Variants in CHD9 observed in about 807,000 individuals in gnomAD.
CHD9 encodes ATP-dependent chromatin remodeler CHD9.
In CHD9, 77 loss-of-function variants were observed where a neutral mutation model predicts 316.1. That is an observed-to-expected ratio of 0.24 (90% confidence interval 0.20 to 0.29). The LOEUF is 0.29. Ranked by LOEUF, CHD9 falls within the 10% of genes least tolerant of loss-of-function variation. The probability of loss-of-function intolerance (pLI) is 1.00; values close to 1 mark genes in which losing one functional copy is unlikely to be tolerated. For missense variants in CHD9, 2,763 were observed against 3,438.1 expected (o/e 0.80, Z 4.91); for synonymous variants, 1,129 against 1,158.3 (o/e 0.97, Z 0.51).
At chr16:53,090,920 C>T (rs1484349292) in intron 1 of CHD9, among the ~76,000 whole-genome samples, 2 of 60,898 alleles carry the variant, frequency 3.3e-5, no homozygotes, top group African/African-American at 6.1e-5. Context: ...TGCCTGCCTG[C>T]CTGCCCACCA....
chr16:53,248,451 G>C (rs1428791472), intron 16 of CHD9, among the ~76,000 whole-genome samples: 3 of 150,092 alleles, frequency 2.0e-5, no homozygotes, highest in Admixed American at 2.0e-4. Flanking sequence ...ATGTAAAAGA[G>C]AATCAGAAAT....
At chr16:53,272,867 T>C (rs1260614963) in intron 22 of CHD9, among the ~76,000 whole-genome samples, 1 of 152,154 alleles carries the variant, frequency 6.6e-6, no homozygotes, top group Non-Finnish European at 1.5e-5. Context: ...TTATTTCCTT[T>C]AATAAAAAAC....
Position 53,304,012 on chromosome 16 carries a change from T to G in CHD9, c.6006T>G (p.Ser2002Arg), listed in dbSNP as rs757024828. Reference protein sequence around the residue: ...LSFMAAQRNYSQSKMAHSRTS... With the variant: ...LSFMAAQRNYRQSKMAHSRTS... ...TTATGGCAGCTCAGAGGAACTACAG[T>G]CAAAGTAAGATGGCTCATTCAAGGA... is the stretch of plus-strand genomic sequence containing the variant. Residue 2002 changes from serine (S) to arginine (R), a missense_variant, in exon 31 of 39, where the codon AGT (serine) becomes AGG (arginine). By Grantham distance (110) the Ser-to-Arg change is moderately radical. Coordinates refer to ENST00000447540, the MANE Select transcript of CHD9 (RefSeq NM_001308319.2). 1 of 1,613,994 alleles carries G rather than the reference T, an allele frequency of 6.2e-7. No homozygotes were observed. Among genetic ancestry groups the G allele is most frequent in the African/African-American group, 1.3e-5 (1 of 75,040 alleles).
At chr16:53,136,232 T>C (rs968663167) in intron 1 of CHD9, among the ~76,000 whole-genome samples, 1 of 152,178 alleles carries the variant, frequency 6.6e-6, no homozygotes, top group African/African-American at 2.4e-5. Flanking sequence ...TCAAAACATT[T>C]TAAAACTAGT....
At chr16:53,067,627 A>C (rs927921517) in intron 1 of CHD9, among the ~76,000 whole-genome samples, 1 of 152,150 alleles carries the variant, frequency 6.6e-6, no homozygotes, top group African/African-American at 2.4e-5. Flanking sequence ...AATTCATCTC[A>C]TATTTTTCTC....
At position 53,291,731 on chromosome 16, in the gene CHD9, G is replaced by A; in HGVS notation, c.5254G>A (p.Val1752Ile). ...TTCTATTTTCTTTTAAAAGGATGAT[G>A]TTTCCTCACCAGGAGATCTTGTTAT... The part of the protein sequence containing the change: ...AIFKDDIEDD[V>I]SSPGDLVIAD... The change falls in exon 28 of 39, where the codon GTT becomes ATT. Residue 1752 changes from valine to isoleucine, a missense_variant. Transcript: ENST00000447540. The A allele has an allele frequency of 6.4e-7, 1 of 1,563,020 alleles. No homozygotes were observed. The highest frequency in any genetic ancestry group is 2.1e-5 in the Admixed American group (1 of 47,994).
chr16:53,230,127 G>T lies in CHD9; in HGVS notation c.2286+1027G>T, dbSNP rs527489636. Among the ~76,000 whole-genome samples, 7 of 152,210 alleles carry T rather than the reference G, an allele frequency of 4.6e-5. No individual in the cohort carries two copies. In the South Asian group the frequency reaches 8.3e-4, roughly 18 times the overall value. The stretch of plus-strand genomic sequence containing the variant: ...GCCCCTCAGTTTGGGGTTGTATGAA[G>T]TTTCGTCATGATCCAGGTTAGGCAT... On this transcript the variant is annotated intron_variant, in intron 8 of 38. Transcript: ENST00000447540.
rs746225822 is a variant in CHD9, at chr16:53,291,756, T to C, written c.5279T>C (p.Ile1760Thr). ...GTTTCCTCACCAGGAGATCTTGTTATAGCAGATGGAGGTAAATTGCACGTA... is the reference window on the plus strand; with the variant it reads ...GTTTCCTCACCAGGAGATCTTGTTACAGCAGATGGAGGTAAATTGCACGTA... The part of the protein sequence containing the change: ...DDVSSPGDLV[I>T]ADGDGQLMEG... Residue 1760 changes from isoleucine to threonine, a missense_variant, in exon 28 of 39, where the codon ATA becomes ACA. Transcript: ENST00000447540. 1.9e-6 allele frequency: 3 copies of C among 1,559,990 alleles called. No individual in the cohort carries two copies. The highest frequency in any genetic ancestry group is 1.7e-6 in the Non-Finnish European group (2 of 1,159,844).
rs748254984 is a variant in CHD9, at chr16:53,314,811, GT to G, written c.7363-5del. On this transcript the variant is annotated splice_polypyrimidine_tract_variant and intron_variant, in intron 35 of 38. Coordinates refer to ENST00000447540, the MANE Select transcript of CHD9 (RefSeq NM_001308319.2). ...TATGAAAATAAAGATACCATTTGGT[GT>G]TTTTTTACAGGTTTCTTTAGGCTTA... 5.1e-5 allele frequency: 80 copies of G among 1,562,472 alleles called. 2 individuals are homozygous for G. The East Asian group carries it at 7.2e-4, about 14-fold the overall frequency.
intron 1 of CHD9, among the ~76,000 whole-genome samples, chr16:53,072,612 G>A (rs1413717876): frequency 6.6e-6 from 1 of 151,792 alleles, no homozygotes; most frequent in Non-Finnish European, 1.5e-5. Flanking sequence ...CTGGGTTCAA[G>A]CAATCCTCTT....
rs139040277 is a variant in CHD9, at chr16:53,255,285, G to T, written c.4030-315G>T. Among the ~76,000 whole-genome samples, 340 of 152,052 alleles carry T rather than the reference G, an allele frequency of 2.2e-3. 1 individual carries two copies. Among genetic ancestry groups the T allele is most frequent in the African/African-American group, 7.7e-3 (320 of 41,486 alleles). ...GTTTACACCACTGCACTCTAGCATGGATAACAGAGCAAGACCCTGTCTTAA... is the reference window on the plus strand; with the variant it reads ...GTTTACACCACTGCACTCTAGCATGTATAACAGAGCAAGACCCTGTCTTAA... On this transcript the variant is annotated intron_variant, in intron 18 of 38. Coordinates refer to ENST00000447540, the MANE Select transcript of CHD9 (RefSeq NM_001308319.2).
intron 1 of CHD9, among the ~76,000 whole-genome samples, chr16:53,074,131 A>T (rs2034324613): frequency 6.6e-6 from 1 of 151,972 alleles, no homozygotes. Context: ...AGCAAAGGTG[A>T]CTCTTCTTTA....
At chr16:53,235,371 AATAG>A (rs1475044844) in intron 11 of CHD9, 65 bp downstream of exon 11, 29 of 1,136,634 alleles carry the variant, frequency 2.6e-5, no homozygotes, top group Middle Eastern at 2.2e-4. Flanking sequence ...TGTCAAGTAA[AATAG>A]ATACTGTTGT....
Position 53,156,121 on chromosome 16 carries a change from A to G in CHD9, c.32A>G (p.Asp11Gly), listed in dbSNP as rs753809454. Residue 11 changes from aspartate (D) to glycine (G), a missense_variant, in exon 2 of 39, where the codon GAT becomes GGT. Physicochemically the swap from Asp to Gly is moderately conservative, Grantham distance 94. Coordinates refer to ENST00000447540, the MANE Select transcript of CHD9 (RefSeq NM_001308319.2). MTDPMMDFFD[D>G]ANLFGETLEG... ...GATCCAATGATGGACTTTTTTGATG[A>G]TGCCAATCTTTTTGGTGAGACCTTA... 8 of 1,613,000 alleles carry G rather than the reference A, an allele frequency of 5.0e-6. No individual in the cohort carries two copies. The East Asian group carries it at 6.7e-5, about 13-fold the overall frequency.
chr16:53,156,612 A>C lies in CHD9; in HGVS notation c.523A>C (p.Thr175Pro), dbSNP rs1444855201. The part of the protein sequence containing the change: ...FQANEQQTQC[T>P]SLRSQQNRNN... ...GGCCAATGAACAACAAACACAGTGT[A>C]CTTCACTACGCTCACAACAAAACAG... is the stretch of plus-strand genomic sequence containing the variant. Residue 175 changes from threonine (T) to proline (P), a missense_variant, in exon 2 of 39, where the codon ACT (threonine) becomes CCT (proline). Transcript: ENST00000447540. 3.1e-6 allele frequency: 5 copies of C among 1,614,000 alleles called. No homozygotes were observed. The South Asian group carries it at 5.5e-5, about 18-fold the overall frequency.
At chr16:53,163,468 C>A (rs901180219) in intron 2 of CHD9, among the ~76,000 whole-genome samples, 2 of 152,136 alleles carry the variant, frequency 1.3e-5, no homozygotes, top group African/African-American at 4.8e-5. Context: ...CCTCGGCCTC[C>A]CAAAGTGCTG....
At chr16:53,128,915 C>T (rs181505916) in intron 1 of CHD9, among the ~76,000 whole-genome samples, 58 of 152,046 alleles carry the variant, frequency 3.8e-4, no homozygotes, top group African/African-American at 1.3e-3. Flanking sequence ...ATGGCATAGA[C>T]GCATCAAAAA....
chr16:53,246,672 A>G (rs2049652423), intron 15 of CHD9, among the ~76,000 whole-genome samples: 1 of 151,854 alleles, frequency 6.6e-6, no homozygotes, highest in East Asian at 1.9e-4. Context: ...ATGCACCACC[A>G]TACCCAGCTG....
intron 2 of CHD9, among the ~76,000 whole-genome samples, chr16:53,198,694 T>G (rs1426022533): frequency 6.6e-6 from 1 of 152,230 alleles, no homozygotes; most frequent in Admixed American, 6.5e-5. Context: ...ATGTGATATT[T>G]TAAACGGACT....
Sources: gnomAD v4.1 joint callset for allele counts (sites outside exome capture counted in the v4.1 genomes callset) on GRCh38, gnomAD v4.1.1 for gene constraint, MANE v1.5 for transcripts, NCBI Gene and HGNC (gene_info 2026-07-23, HGNC 2026-07-21) for gene names.